VRTN: variants seen among roughly 807,000 people sequenced by gnomAD.
VRTN encodes the protein vertnin.
In VRTN, 5 loss-of-function variants were observed where a neutral mutation model predicts 18.2. The ratio of observed to expected loss-of-function variants is 0.27; its 90% CI spans 0.14 to 0.58. The LOEUF (loss-of-function observed/expected upper bound fraction) is 0.58. VRTN is among the 20% of genes least tolerant of loss of function. VRTN has a pLI of 0.91. For synonymous variants in VRTN, 381 were observed against 393.7 expected (o/e 0.97, Z 0.38); for missense variants, 741 against 939.4 (o/e 0.79, Z 2.76).
chr14:74,337,472 C>T (rs962429419), intron 1 of VRTN, among the ~76,000 whole-genome samples: 1 of 152,088 alleles, frequency 6.6e-6, no homozygotes, highest in African/African-American at 2.4e-5. Context: ...AGTAAACTAA[C>T]CAAGACCAAA....
chr14:74,315,555 G>A, intron 1 of VRTN, among the ~76,000 whole-genome samples: 1 of 152,118 alleles, frequency 6.6e-6, no homozygotes, highest in East Asian at 1.9e-4. Context: ...CAACAAAAAA[G>A]CAAACAAAAA....
At chr14:74,310,196 G>C (rs191046423) in intron 1 of VRTN, among the ~76,000 whole-genome samples, 2 of 151,926 alleles carry the variant, frequency 1.3e-5, no homozygotes, top group Admixed American at 1.3e-4. Flanking sequence ...TTGGGAGTTC[G>C]AGACCAGCCT....
At chr14:74,320,249 C>CTTTTTTTTT (rs71115982) in intron 1 of VRTN, among the ~76,000 whole-genome samples, 1 of 72,690 alleles carries the variant, frequency 1.4e-5, no homozygotes, top group Non-Finnish European at 2.4e-5. Flanking sequence ...GATCCCATCC[C>CTTTTTTTTT]TTTTTTTTTT....
chr14:74,351,649 T>C (rs1315301608), intron 1 of VRTN, among the ~76,000 whole-genome samples: 2 of 149,950 alleles, frequency 1.3e-5, no homozygotes, highest in Non-Finnish European at 3.0e-5. Flanking sequence ...GCAGGCTAAT[T>C]TTTTTTTTTC....
intron 1 of VRTN, among the ~76,000 whole-genome samples, chr14:74,315,257 A>G (rs766237046): frequency 1.3e-5 from 2 of 152,134 alleles, no homozygotes; most frequent in African/African-American, 2.4e-5. Context: ...TCTGTCGCCC[A>G]GGCTGGCTTG....
intron 1 of VRTN, among the ~76,000 whole-genome samples, chr14:74,328,185 C>T (rs1376473357): frequency 6.6e-6 from 1 of 152,114 alleles, no homozygotes; most frequent in Non-Finnish European, 1.5e-5. Flanking sequence ...CAAAAGGTAC[C>T]CTGCAGGGTG....
rs1278701438 is a variant in VRTN at position 74,310,415 on chromosome 14, AAGG to A, written c.-164+7242_-164+7244del. 2.6e-5 allele frequency among the ~76,000 whole-genome samples: 4 copies of A among 151,536 alleles called. No homozygotes were observed. The East Asian group carries it at 7.7e-4, about 29-fold the overall frequency. On this transcript the variant is annotated intron_variant, in intron 1 of 2. Transcript: ENST00000557177. Reference sequence around the variant, plus strand: ...TCTGTCTCAAAAAAAAAAAAAAAAAAAGGAGAAGTAGCATTGCCATAGTGATTC... The same window carrying A: ...TCTGTCTCAAAAAAAAAAAAAAAAAAAGAAGTAGCATTGCCATAGTGATTC...
intron 2 of VRTN, among the ~76,000 whole-genome samples, chr14:74,340,248 G>A (rs965758143): frequency 6.6e-6 from 1 of 152,130 alleles, no homozygotes; most frequent in African/African-American, 2.4e-5. Flanking sequence ...TAGTAGCTGG[G>A]ATTATAGGCA....
intron 1 of VRTN, among the ~76,000 whole-genome samples, chr14:74,316,999 A>G (rs1227519540): frequency 6.6e-6 from 1 of 152,154 alleles, no homozygotes; most frequent in East Asian, 1.9e-4. Flanking sequence ...GAGTGCAATG[A>G]ACAAGGGGAG....
intron 2 of VRTN, among the ~76,000 whole-genome samples, chr14:74,342,311 C>T (rs1165403189): frequency 1.3e-5 from 2 of 151,616 alleles, no homozygotes; most frequent in Non-Finnish European, 2.9e-5. Flanking sequence ...CAAAGTCCAA[C>T]TAGGAACCAC....
intron 2 of VRTN, among the ~76,000 whole-genome samples, chr14:74,341,830 T>G (rs2085607164): frequency 6.6e-6 from 1 of 152,208 alleles, no homozygotes; most frequent in South Asian, 2.1e-4. Flanking sequence ...CATGTCTTTT[T>G]GTAAGTGAAG....
chr14:74,336,478 C>T (rs1436559573), intron 1 of VRTN, among the ~76,000 whole-genome samples: 3 of 151,956 alleles, frequency 2.0e-5, no homozygotes, highest in African/African-American at 7.3e-5. Flanking sequence ...TTTATAGTCT[C>T]CCAGACACTT....
rs10676222 is a variant in VRTN at position 74,314,394 on chromosome 14, C to CTTTTTTTT, written c.-164+11231_-164+11238dup. 7.4e-4 allele frequency among the ~76,000 whole-genome samples: 80 copies of CTTTTTTTT among 108,774 alleles called. 3 individuals are homozygous for CTTTTTTTT. The highest frequency in any genetic ancestry group is 6.9e-3 in the Middle Eastern group (1 of 144). The allele number at this position is 108,774 out of a possible 152,430, so 71.4% of individuals were successfully genotyped here. On this transcript the variant is annotated intron_variant, in intron 1 of 2. Transcript: ENST00000557177. ...CAAAAGACTCAAGAAAAAAACTGTT[C>CTTTTTTTT]TTTTTTTTTTTTTTTTTTTTGAGAT...
At chr14:74,355,481 G>A (rs974129677) in intron 1 of VRTN, among the ~76,000 whole-genome samples, 6 of 151,954 alleles carry the variant, frequency 3.9e-5, no homozygotes, top group African/African-American at 1.5e-4. Flanking sequence ...TATTGAAAAC[G>A]ACATGTACTT....
At chr14:74,316,636 T>TA (rs1186066723) in intron 1 of VRTN, among the ~76,000 whole-genome samples, 4 of 119,142 alleles carry the variant, frequency 3.4e-5, no homozygotes, top group African/African-American at 1.1e-4. Context: ...GAGGGATTAT[T>TA]CTTTTTTTTT....
intron 1 of VRTN, among the ~76,000 whole-genome samples, chr14:74,304,345 G>C (rs182177740): frequency 3.4e-4 from 51 of 150,810 alleles, no homozygotes; most frequent in African/African-American, 1.2e-3. Context: ...TAGTAGAGAC[G>C]TGGTTTCTCC....
intron 1 of VRTN, among the ~76,000 whole-genome samples, chr14:74,326,999 C>T (rs2085492355): frequency 6.6e-6 from 1 of 152,104 alleles, no homozygotes; most frequent in African/African-American, 2.4e-5. Flanking sequence ...AGCTCCTTGC[C>T]TGTCACTTTG....
intron 1 of VRTN, among the ~76,000 whole-genome samples, chr14:74,324,529 T>C (rs977248237): frequency 6.6e-6 from 1 of 151,992 alleles, no homozygotes; most frequent in African/African-American, 2.4e-5. Context: ...CTGGCTGAGA[T>C]GGTGAGATAT....
chr14:74,327,156 T>G (rs1055228244), intron 1 of VRTN, among the ~76,000 whole-genome samples: 9 of 152,194 alleles, frequency 5.9e-5, no homozygotes, highest in Admixed American at 5.9e-4. Context: ...ACCTATTGTG[T>G]GCTTGGAACA....
Sources: gnomAD v4.1 joint callset for allele counts (sites outside exome capture counted in the v4.1 genomes callset) on GRCh38, gnomAD v4.1.1 for gene constraint, MANE v1.5 for transcripts, NCBI Gene and HGNC (gene_info 2026-07-23, HGNC 2026-07-21) for gene names.